DENND5A: variants seen among roughly 807,000 people sequenced by gnomAD.
DENND5A encodes DENN domain containing 5A.
In DENND5A, 64 loss-of-function variants were observed where a neutral mutation model predicts 140.3. The ratio of observed to expected loss-of-function variants is 0.46; its 90% CI spans 0.37 to 0.56. The LOEUF is 0.56. Ranked by LOEUF, DENND5A falls within the 20% of genes least tolerant of loss-of-function variation. The pLI is 0.00. For missense variants in DENND5A, 1,292 were observed against 1,593.8 expected (o/e 0.81, Z 3.22); for synonymous variants, 605 against 607.7 (o/e 1.00, Z 0.07).
chr11:9,242,014 CAAAAAAAAAA>C (rs965240891), intron 1 of DENND5A, among the ~76,000 whole-genome samples: 13 of 58,168 alleles, frequency 2.2e-4, no homozygotes, highest in African/African-American at 8.1e-4. Context: ...AACTCCGTCT[CAAAAAAAAAA>C]AAAAAAAAAA....
chr11:9,204,603 C>A (rs1021537717), intron 3 of DENND5A, among the ~76,000 whole-genome samples: 1 of 152,214 alleles, frequency 6.6e-6, no homozygotes, highest in African/African-American at 2.4e-5. Flanking sequence ...TGGCTCACAC[C>A]TGTAATCCCA....
intron 1 of DENND5A, among the ~76,000 whole-genome samples, chr11:9,229,440 C>T (rs1224707305): frequency 6.6e-6 from 1 of 152,068 alleles, no homozygotes; most frequent in Non-Finnish European, 1.5e-5. Flanking sequence ...GCCTCAGAAG[C>T]AAAGTCTCTC....
intron 1 of DENND5A, among the ~76,000 whole-genome samples, chr11:9,227,358 CT>C (rs1850575182): frequency 6.6e-6 from 1 of 152,078 alleles, no homozygotes; most frequent in East Asian, 1.9e-4. Context: ...TGAGTTCCAA[CT>C]ATCTATACAA....
At chr11:9,218,250 C>T (rs1220220803) in intron 1 of DENND5A, among the ~76,000 whole-genome samples, 1 of 150,998 alleles carries the variant, frequency 6.6e-6, no homozygotes, top group African/African-American at 2.4e-5. Context: ...CAGAGCAAGA[C>T]CCCGTCTCAA....
chr11:9,150,485 A>C (rs1215936743), intron 14 of DENND5A, among the ~76,000 whole-genome samples, 195 bp downstream of exon 14: 1 of 152,216 alleles, frequency 6.6e-6, no homozygotes, highest in Non-Finnish European at 1.5e-5. Context: ...CCTCACCTCC[A>C]AAAATGCCAG....
chr11:9,174,076 C>A (rs1486015326), intron 8 of DENND5A, among the ~76,000 whole-genome samples: 1 of 115,276 alleles, frequency 8.7e-6, no homozygotes, highest in Non-Finnish European at 1.6e-5. Context: ...GCACTCCAGC[C>A]TGGGCGATAG....
chr11:9,156,542 G>A (rs1847807702), intron 12 of DENND5A, among the ~76,000 whole-genome samples: 1 of 151,730 alleles, frequency 6.6e-6, no homozygotes, highest in Admixed American at 6.6e-5. Flanking sequence ...CAGGGGAACT[G>A]CTTGAACCAG....
intron 1 of DENND5A, among the ~76,000 whole-genome samples, chr11:9,219,543 T>C (rs928895501): frequency 1.3e-5 from 2 of 152,122 alleles, no homozygotes; most frequent in African/African-American, 2.4e-5. Flanking sequence ...AGGAAGCATA[T>C]GCTCTGCCAA....
chr11:9,145,915 C>T, intron 16 of DENND5A, 100 bp from the exon 17 acceptor site: 1 of 1,262,148 alleles, frequency 7.9e-7, no homozygotes, highest in Non-Finnish European at 1.1e-6. Context: ...ACAACTGTGG[C>T]TCCTGCTATC....
chr11:9,169,417 GC>G (rs1564893348), intron 10 of DENND5A, among the ~76,000 whole-genome samples: 1 of 151,906 alleles, frequency 6.6e-6, no homozygotes, highest in Non-Finnish European at 1.5e-5. Flanking sequence ...CTGCACTCCA[GC>G]CTGGGCGATA....
At chr11:9,157,892 T>C (rs1178046576) in intron 12 of DENND5A, among the ~76,000 whole-genome samples, 1 of 152,208 alleles carries the variant, frequency 6.6e-6, no homozygotes, top group Non-Finnish European at 1.5e-5. Context: ...AAAGTGCAAG[T>C]TGCTTATTTA....
intron 1 of DENND5A, among the ~76,000 whole-genome samples, chr11:9,248,598 G>C (rs1368423865): frequency 6.6e-6 from 1 of 151,906 alleles, no homozygotes; most frequent in Admixed American, 6.6e-5. Flanking sequence ...AGGCTGAACT[G>C]CGCTGTGATT....
chr11:9,152,434 T>C lies in DENND5A; in HGVS notation c.2445A>G (p.Ser815=). 6.2e-7 allele frequency: 1 copy of C among 1,612,944 alleles called. No individual in the cohort carries two copies. Among genetic ancestry groups the C allele is most frequent in the Non-Finnish European group, 8.5e-7 (1 of 1,178,902 alleles). Residue 815 remains serine (S), a synonymous_variant, in exon 13 of 23, where the codon TCA becomes TCG. Coordinates refer to ENST00000328194, the MANE Select transcript of DENND5A (RefSeq NM_015213.4). ...SHGLQVKQGK[S]ALWSHLLHYQ... is the part of the protein sequence containing the mutation. The stretch of plus-strand genomic sequence containing the variant: ...AATGTAACAGGTGGGACCATAAGGC[T>C]GATTTCCCCTGGAACCAATGCAAGG...
chr11:9,193,809 T>C, intron 4 of DENND5A, 128 bp from the exon 5 acceptor site: 1 of 804,912 alleles, frequency 1.2e-6, no homozygotes, highest in Non-Finnish European at 1.9e-6. Flanking sequence ...AAACTTCAGC[T>C]AGGGTATGCT....
At chr11:9,204,719 C>T (rs771673155) in intron 3 of DENND5A, among the ~76,000 whole-genome samples, 2 of 152,152 alleles carry the variant, frequency 1.3e-5, no homozygotes, top group African/African-American at 2.4e-5. Flanking sequence ...AAAAATTAAC[C>T]AGGTGTGCTG....
At chr11:9,170,216 C>T in intron 9 of DENND5A, 2 of 922,072 alleles carry the variant, frequency 2.2e-6, no homozygotes, top group South Asian at 5.0e-5. Context: ...ATTCACTTAA[C>T]TCTATCTGGG....
chr11:9,143,147 G>A (rs1174851115), intron 20 of DENND5A: 7 of 589,796 alleles, frequency 1.2e-5, no homozygotes, highest in Non-Finnish European at 2.1e-5. Context: ...GAAGAGGACA[G>A]GAATAGGCAC....
intron 16 of DENND5A, chr11:9,146,802 C>T (rs949205960): frequency 2.0e-6 from 1 of 495,398 alleles, no homozygotes; most frequent in Non-Finnish European, 3.6e-6. Flanking sequence ...ACCGACAACA[C>T]AATGGCAAAA....
chr11:9,155,518 G>A (rs1847774127), intron 12 of DENND5A, among the ~76,000 whole-genome samples: 1 of 152,188 alleles, frequency 6.6e-6, no homozygotes, highest in African/African-American at 2.4e-5. Flanking sequence ...CAGCAGCTGG[G>A]CTGCTCTTTG....
Sources: allele counts gnomAD v4.1 joint callset (sites outside exome capture counted in the v4.1 genomes callset), GRCh38; gene constraint gnomAD v4.1.1; transcripts MANE v1.5; gene names NCBI Gene and HGNC (gene_info 2026-07-23, HGNC 2026-07-21).